Variants in MBD3 observed in about 807,000 individuals in gnomAD.
MBD3 encodes methyl-CpG-binding domain protein 3.
A neutral mutation model predicts 31.2 loss-of-function variants in MBD3; 13 were observed. That is an observed-to-expected ratio of 0.42 (90% CI 0.27 to 0.66). The LOEUF is 0.66. MBD3 is among the 30% of genes least tolerant of loss of function. The pLI is 0.26. For synonymous variants in MBD3, 223 were observed against 187.4 expected, an observed-to-expected ratio of 1.19 and a Z score of -1.55; for missense variants, 440 against 426.5, an observed-to-expected ratio of 1.03 and a Z score of -0.28.
Position 1,578,567 on chromosome 19 carries a change from C to T in MBD3, c.678-29G>A, listed in dbSNP as rs759595582. The T allele has an allele frequency of 1.2e-6, 2 of 1,610,090 alleles. No individual in the cohort carries two copies. Among genetic ancestry groups the T allele is most frequent in the South Asian group, 2.2e-5 (2 of 91,078 alleles). ...GGGACACATGGACCTTGCGTTACAC[C>T]AAGGTGAGCGGCCAGCAGGACATGG... On this transcript the variant is annotated intron_variant, in intron 5 of 6. Coordinates refer to ENST00000434436, the MANE Select transcript of MBD3 (RefSeq NM_001281453.2). The surrounding 1 kb of genome is among the most constrained non-coding windows in gnomAD (Gnocchi z 6.1).
Position 1,578,661 on chromosome 19 carries a change from A to C in MBD3, c.678-123T>G. ...AGGGATCCACAGGCACCCCCCCAGGACCAGCCCTGGCCCGTGCCACCCCTC... is the reference window on the plus strand; with the variant it reads ...AGGGATCCACAGGCACCCCCCCAGGCCCAGCCCTGGCCCGTGCCACCCCTC... On this transcript the variant is annotated intron_variant, in intron 5 of 6. Transcript: ENST00000434436. The surrounding 1 kb of genome is among the most constrained non-coding windows in gnomAD (Gnocchi z 6.1). The C allele has an allele frequency of 1.3e-6, 2 of 1,578,928 alleles. No individual in the cohort carries two copies. Among genetic ancestry groups the C allele is most frequent in the Non-Finnish European group, 1.7e-6 (2 of 1,164,132 alleles).
At chr19:1,584,470 T>C in intron 3 of MBD3, 70 bp downstream of exon 3, 2 of 1,600,010 alleles carry the variant, frequency 1.2e-6, no homozygotes, top group Non-Finnish European at 8.5e-7. Flanking sequence ...TACGACCTCA[T>C]TCCAAACGTC....
rs2060674344 is a variant in MBD3 at position 1,585,352 on chromosome 19, C to T, written c.111-138G>A. 3 of 960,202 alleles carry T rather than the reference C, an allele frequency of 3.1e-6. No homozygotes were observed. Among genetic ancestry groups the T allele is most frequent in the Non-Finnish European group, 1.5e-6 (1 of 654,162 alleles). The allele number at this position is 960,202 out of a possible 1,614,324, so 59.5% of individuals were successfully genotyped here. A position where few individuals can be genotyped will look rare whatever the true frequency, so the allele number is the denominator to read the frequency against. ...CCCAGACCCCAACACGGCCCTGACC[C>T]CAAACCCAGGCAGGCCCTGGCCCCA... On this transcript the variant is annotated intron_variant, in intron 1 of 6. Coordinates refer to ENST00000434436, the MANE Select transcript of MBD3 (RefSeq NM_001281453.2). This position sits in a 1 kb window ranked among gnomAD's most constrained non-coding sequence, Gnocchi z 4.1.
chr19:1,578,635 G>A lies in MBD3; in HGVS notation c.678-97C>T, dbSNP rs1917273461. The A allele has an allele frequency of 1.8e-5, 29 of 1,597,500 alleles. No homozygotes were observed. Among genetic ancestry groups the A allele is most frequent in the Middle Eastern group, 2.0e-4 (1 of 5,068 alleles). On this transcript the variant is annotated intron_variant, in intron 5 of 6. Transcript: ENST00000434436. The surrounding 1 kb of genome is among the most constrained non-coding windows in gnomAD (Gnocchi z 6.1). ...GGACCTCAGCTGGGAGGGGAGGCCC[G>A]AGGGATCCACAGGCACCCCCCCAGG...
Position 1,584,671 on chromosome 19 carries a change from G to C in MBD3, c.277C>G (p.Pro93Ala). 9 of 1,611,660 alleles carry C rather than the reference G, an allele frequency of 5.6e-6. No homozygotes were observed. Among genetic ancestry groups the C allele is most frequent in the Non-Finnish European group, 7.6e-6 (9 of 1,179,666 alleles). ...YDSSNQVKGK[P>A]DLNTALPVRQ... ...ACGGGCAGCGCCGTGTTCAGGTCGGGCTTGCCCTGCGGGAGGAAGGATATG... is the reference window on the plus strand; with the variant it reads ...ACGGGCAGCGCCGTGTTCAGGTCGGCCTTGCCCTGCGGGAGGAAGGATATG... The change falls in exon 3 of 7, where the codon CCC becomes GCC. Residue 93 changes from proline to alanine, a missense_variant. By Grantham distance (27) the Pro-to-Ala change is conservative. Transcript: ENST00000434436.
At position 1,585,328 on chromosome 19, in the gene MBD3, CCA is replaced by C. The variant is rs1367618713; in HGVS notation, c.111-116_111-115del. The C allele has an allele frequency of 5.6e-6, 7 of 1,241,786 alleles. No individual in the cohort carries two copies. The East Asian group carries it at 1.8e-4, about 32-fold the overall frequency. The allele number at this position is 1,241,786 out of a possible 1,614,324, so 76.9% of individuals were successfully genotyped here. A position where few individuals can be genotyped will look rare whatever the true frequency, so the allele number is the denominator to read the frequency against. On this transcript the variant is annotated intron_variant, in intron 1 of 6. Coordinates refer to ENST00000434436, the MANE Select transcript of MBD3 (RefSeq NM_001281453.2). This position sits in a 1 kb window ranked among gnomAD's most constrained non-coding sequence, Gnocchi z 4.1. ...CCAGCTTCAGGTCGCGACCCCAGCCCCAGACCCCAACACGGCCCTGACCCCAA... is the reference window on the plus strand; with the variant it reads ...CCAGCTTCAGGTCGCGACCCCAGCCCGACCCCAACACGGCCCTGACCCCAA...
chr19:1,592,507 G>C lies in MBD3; in HGVS notation c.110+15C>G. 7.3e-7 allele frequency: 1 copy of C among 1,368,188 alleles called. No individual in the cohort carries two copies. The allele number at this position is 1,368,188 out of a possible 1,614,324, so 84.8% of individuals were successfully genotyped here. Reference sequence around the variant, plus strand: ...GAGCCCGTTGAGGCCCTGCGCGGCCGGCGCGCTCATTCACCTATAGTAAAA... The same window carrying C: ...GAGCCCGTTGAGGCCCTGCGCGGCCCGCGCGCTCATTCACCTATAGTAAAA... On this transcript the variant is annotated intron_variant, in intron 1 of 6. Transcript: ENST00000434436.
intron 1 of MBD3, among the ~76,000 whole-genome samples, chr19:1,591,084 G>A (rs374413530): frequency 1.6e-4 from 25 of 152,260 alleles, no homozygotes; most frequent in African/African-American, 5.8e-4. Context: ...CCACCTCTTA[G>A]GGGGTTCCTG....
Position 1,577,790 on chromosome 19 carries a change from G to A in MBD3, c.*374C>T, listed in dbSNP as rs560551425. ...AAACCCTCCCAGCTGTCAGCAAGCC[G>A]TGGCGCCGAGCTGCCGGGCACCTGC... On this transcript the variant is annotated 3_prime_UTR_variant, in exon 7 of 7. Transcript: ENST00000434436. 24 of 164,112 alleles carry A rather than the reference G, an allele frequency of 1.5e-4. No individual in the cohort carries two copies. The highest frequency in any genetic ancestry group is 1.0e-3 in the Admixed American group (18 of 17,230). The allele number at this position is 164,112 out of a possible 1,614,324, so 10.2% of individuals were successfully genotyped here. A position where few individuals can be genotyped will look rare whatever the true frequency, so the allele number is the denominator to read the frequency against.
In MBD3 at chr19:1,573,970, C is replaced by G. The variant is rs893172049; in HGVS notation, c.*4194G>C. 6.6e-6 allele frequency: 1 copy of G among 152,194 alleles called. No individual in the cohort carries two copies. Among genetic ancestry groups the G allele is most frequent in the African/African-American group, 2.4e-5 (1 of 41,410 alleles). The allele number at this position is 152,194 out of a possible 1,614,324, so 9.4% of individuals were successfully genotyped here. ...TGAGCCAAGTTTGCACCATTGCACT[C>G]CAGCCTGGGCAACAAGAGCGAAACT... On this transcript the variant is annotated 3_prime_UTR_variant, in exon 7 of 7. Transcript: ENST00000434436.
At chr19:1,591,119 C>G (rs2060701552) in intron 1 of MBD3, among the ~76,000 whole-genome samples, 1 of 152,202 alleles carries the variant, frequency 6.6e-6, no homozygotes, top group Non-Finnish European at 1.5e-5. Flanking sequence ...CTCCCTGTCA[C>G]TCAATGTCAC....
chr19:1,579,053 G>A (rs1455707903), intron 5 of MBD3, among the ~76,000 whole-genome samples: 5 of 151,608 alleles, frequency 3.3e-5, no homozygotes, highest in East Asian at 3.9e-4. Context: ...GCGTGGTGGC[G>A]GCCGCCTGTA....
At chr19:1,589,261 G>A (rs1315054259) in intron 1 of MBD3, among the ~76,000 whole-genome samples, 1 of 151,302 alleles carries the variant, frequency 6.6e-6, no homozygotes, top group Non-Finnish European at 1.5e-5. Flanking sequence ...AACTCAGGAG[G>A]TGGAGGTCGC....
intron 1 of MBD3, among the ~76,000 whole-genome samples, chr19:1,591,403 C>T (rs1008947087): frequency 6.6e-6 from 1 of 152,208 alleles, no homozygotes; most frequent in African/African-American, 2.4e-5. Context: ...CTCCCCAAAC[C>T]GGGACAGTCA....
intron 1 of MBD3, among the ~76,000 whole-genome samples, chr19:1,588,065 C>G (rs544225533): frequency 1.7e-4 from 26 of 152,338 alleles, no homozygotes; most frequent in African/African-American, 5.5e-4. Flanking sequence ...GCTCAATCGC[C>G]TCTATCCAGG....
intron 1 of MBD3, among the ~76,000 whole-genome samples, chr19:1,591,691 G>C (rs1202009135): frequency 6.6e-6 from 1 of 150,480 alleles, no homozygotes; most frequent in Non-Finnish European, 1.5e-5. Context: ...CATCTTTCCC[G>C]AGCCAGGAAA....
intron 1 of MBD3, among the ~76,000 whole-genome samples, chr19:1,586,710 A>G (rs2060680918): frequency 6.9e-6 from 1 of 145,264 alleles, no homozygotes; most frequent in East Asian, 2.0e-4. Flanking sequence ...TCTGTCGCCC[A>G]GGCTGGAGTG....
At chr19:1,583,125 A>C in intron 3 of MBD3, 1 of 216,470 alleles carries the variant, frequency 4.6e-6, no homozygotes, top group South Asian at 6.7e-5. Context: ...AATCACTTGA[A>C]CCCAGGAAGT....
At position 1,577,392 on chromosome 19, in the gene MBD3, G is replaced by A. The variant is rs1314798062; in HGVS notation, c.*772C>T. The A allele has an allele frequency of 6.6e-6, 1 of 152,368 alleles. No homozygotes were observed. Among genetic ancestry groups the A allele is most frequent in the South Asian group, 2.1e-4 (1 of 4,836 alleles). The allele number at this position is 152,368 out of a possible 1,614,324, so 9.4% of individuals were successfully genotyped here. A position where few individuals can be genotyped will look rare whatever the true frequency, so the allele number is the denominator to read the frequency against. Reference sequence around the variant, plus strand: ...CTGGGAGCGTCAGCACCACCCCAAAGCTGGGTGCCTGTGTCGCCACTAAAC... The same window carrying A: ...CTGGGAGCGTCAGCACCACCCCAAAACTGGGTGCCTGTGTCGCCACTAAAC... On this transcript the variant is annotated 3_prime_UTR_variant, in exon 7 of 7. Coordinates refer to ENST00000434436, the MANE Select transcript of MBD3 (RefSeq NM_001281453.2).
Sources: gnomAD v4.1 joint callset for allele counts (sites outside exome capture counted in the v4.1 genomes callset) on GRCh38, gnomAD v4.1.1 for gene constraint, Gnocchi (gnomAD v3.1) non-coding constraint, MANE v1.5 for transcripts, NCBI Gene and HGNC (gene_info 2026-07-23, HGNC 2026-07-21) for gene names.